The following ALMS1 variants were observed in gnomAD, a reference collection of about 807,000 sequenced individuals.
ALMS1 encodes ALMS1 centrosome and basal body associated protein.
In ALMS1, 271 loss-of-function variants were observed where a neutral mutation model predicts 352.2. That is an observed-to-expected ratio of 0.77 (90% CI 0.70 to 0.85). The LOEUF (loss-of-function observed/expected upper bound fraction) is 0.85. Among genes scored for constraint, ALMS1 ranks in the 40% least tolerant of loss-of-function variants. The pLI is 0.00. For synonymous variants in ALMS1, 1,865 were observed against 1,761.2 expected, an observed-to-expected ratio of 1.06 and a Z score of -1.48; for missense variants, 5,445 against 4,870.7, an observed-to-expected ratio of 1.12 and a Z score of -3.51.
chr2:73,508,897 G>T (rs895726428), intron 10 of ALMS1, among the ~76,000 whole-genome samples: 15 of 152,238 alleles, frequency 9.9e-5, no homozygotes, highest in African/African-American at 3.4e-4. Flanking sequence ...TTATGAATCT[G>T]GGTGCTCTTG....
chr2:73,481,726 A>G (rs866594885), intron 9 of ALMS1, among the ~76,000 whole-genome samples: 9 of 151,250 alleles, frequency 6.0e-5, no homozygotes, highest in South Asian at 2.1e-4. Context: ...ATGTTCTTCC[A>G]TTTGTTTGTA....
chr2:73,525,587 G>A (rs1447552692), intron 11 of ALMS1, among the ~76,000 whole-genome samples: 1 of 152,020 alleles, frequency 6.6e-6, no homozygotes, highest in African/African-American at 2.4e-5. Flanking sequence ...TTTGAGAAAT[G>A]TTTGTTCAGA....
rs549457439 is a variant in ALMS1, at chr2:73,448,872, A to G, written c.2345A>G (p.His782Arg). 6.8e-6 allele frequency: 11 copies of G among 1,614,038 alleles called. No homozygotes were observed. The highest frequency in any genetic ancestry group is 5.0e-5 in the Admixed American group (3 of 60,000). ...ILYPQDLADS[H>R]LPEEGLKVSA... ...TACCCACAGGACTTAGCAGACAGTC[A>G]TCTACCTGAAGAGGGTCTGAAAGTT... Residue 782 changes from histidine to arginine, a missense_variant, in exon 8 of 23, where the codon CAT becomes CGT. Transcript: ENST00000613296.
At chr2:73,425,021 T>A in intron 5 of ALMS1, 119 bp downstream of exon 5, 1 of 802,868 alleles carries the variant, frequency 1.2e-6, no homozygotes, top group Non-Finnish European at 1.9e-6. Flanking sequence ...AAGAGGGAAC[T>A]TTGCACCACC....
At chr2:73,526,169 T>A (rs1240752303) in intron 11 of ALMS1, among the ~76,000 whole-genome samples, 1 of 152,298 alleles carries the variant, frequency 6.6e-6, no homozygotes, top group East Asian at 1.9e-4. Flanking sequence ...CATGATGTTT[T>A]GGTTATTATA....
intron 16 of ALMS1, among the ~76,000 whole-genome samples, chr2:73,577,667 C>T (rs1419504148): frequency 6.6e-6 from 1 of 152,056 alleles, no homozygotes; most frequent in Non-Finnish European, 1.5e-5. Context: ...CTTCTTTGAC[C>T]ATTGACTGTT....
chr2:73,495,736 CAT>C (rs572608558), intron 10 of ALMS1, among the ~76,000 whole-genome samples: 79 of 152,228 alleles, frequency 5.2e-4, no homozygotes, highest in African/African-American at 1.8e-3. Context: ...TGTTTTAAAT[CAT>C]GTGTCCATAT....
At chr2:73,455,054 C>T (rs1042073389) in intron 8 of ALMS1, 108 bp from the exon 9 acceptor site, 5 of 1,204,224 alleles carry the variant, frequency 4.2e-6, no homozygotes, top group Non-Finnish European at 6.1e-6. Context: ...ACATACTAAG[C>T]ATTGCAGTGG....
chr2:73,462,847 A>T (rs994715596), intron 9 of ALMS1: 3 of 152,112 alleles, frequency 2.0e-5, no homozygotes, highest in African/African-American at 7.2e-5. Context: ...ACAAAGATCA[A>T]AAGAGACAAA....
rs1671017705 is a variant in ALMS1 at position 73,408,669 on chromosome 2, C to T, written c.372C>T (p.Gly124=). 1 of 1,613,130 alleles carries T rather than the reference C, an allele frequency of 6.2e-7. No individual in the cohort carries two copies. Among genetic ancestry groups the T allele is most frequent in the Non-Finnish European group, 8.5e-7 (1 of 1,179,564 alleles). Residue 124 remains glycine, a synonymous_variant, in exon 2 of 23, where the codon GGC becomes GGT. Transcript: ENST00000613296. ...CHVWQQIVYQ[G]NSRTQISDTN... is the part of the protein sequence containing the mutation. The stretch of plus-strand genomic sequence containing the variant: ...TATGGCAACAGATAGTATATCAAGG[C>T]AATAGTAGAACACAAATTTCTGATA...
chr2:73,541,894 A>G (rs1301375703), intron 12 of ALMS1, among the ~76,000 whole-genome samples: 1 of 152,212 alleles, frequency 6.6e-6, no homozygotes, highest in Non-Finnish European at 1.5e-5. Context: ...CCAACCAAAA[A>G]AAGTCCAGGA....
chr2:73,482,508 A>G (rs1020705877), intron 9 of ALMS1, among the ~76,000 whole-genome samples: 8 of 152,290 alleles, frequency 5.3e-5, no homozygotes, highest in African/African-American at 9.6e-5. Context: ...TTTTGCATCA[A>G]TGTTCATCAA....
intron 7 of ALMS1, 65 bp downstream of exon 7, chr2:73,432,356 AG>A (rs544918897): frequency 4.9e-5 from 56 of 1,152,716 alleles, no homozygotes; most frequent in Non-Finnish European, 7.1e-5. Flanking sequence ...ATATCTTGTT[AG>A]GTCTATCTAA....
At chr2:73,541,982 A>G (rs1009106983) in intron 12 of ALMS1, among the ~76,000 whole-genome samples, 8 of 152,222 alleles carry the variant, frequency 5.3e-5, no homozygotes, top group African/African-American at 1.9e-4. Flanking sequence ...TATTCCAATC[A>G]ATAGAAAAAG....
At position 73,424,784 on chromosome 2, in the gene ALMS1, T is replaced by G. The variant is rs1375460560; in HGVS notation, c.1119T>G (p.Phe373Leu). ...ATCAAGTTTCAGTTGCAACTTCATTTGACATAACTGATGAAAACATAGCTA... is the reference window on the plus strand; with the variant it reads ...ATCAAGTTTCAGTTGCAACTTCATTGGACATAACTGATGAAAACATAGCTA... Reference protein sequence around the residue: ...DKDQVSVATSFDITDENIATK... With the variant: ...DKDQVSVATSLDITDENIATK... The change falls in exon 5 of 23, where the codon TTT becomes TTG. Residue 373 changes from phenylalanine to leucine, a missense_variant. By Grantham distance (22) the Phe-to-Leu change is conservative (BLOSUM62 0). Transcript: ENST00000613296. 5 of 1,613,446 alleles carry G rather than the reference T, an allele frequency of 3.1e-6. No individual in the cohort carries two copies. In the East Asian group the frequency reaches 8.9e-5, roughly 29 times the overall value.
rs1463111086 is a variant in ALMS1 at position 73,559,263 on chromosome 2, C to CT, written c.10384+128dup. ...TCATGATTAAACAAAAATTCCTTTT[C>CT]TTTTTTTAAAACTTTCTTGTGTAAA... On this transcript the variant is annotated intron_variant, in intron 15 of 22. Coordinates refer to ENST00000613296, the MANE Select transcript of ALMS1 (RefSeq NM_001378454.1). 7 of 1,277,802 alleles carry CT rather than the reference C, an allele frequency of 5.5e-6. No homozygotes were observed. In the Admixed American group the frequency reaches 1.3e-4, roughly 24 times the overall value. 79.2% of individuals were successfully genotyped at this position (1,277,802 alleles called of 1,614,324 possible).
rs117958696 is a variant in ALMS1, at chr2:73,417,989, T to C, written c.451-1134T>C. On this transcript the variant is annotated intron_variant, in intron 2 of 22. Transcript: ENST00000613296. ...AGTATAGAAATTGAGAGGAAGTGTT[T>C]AGAAACTTTTATAGTAGTTGGATAG... is the stretch of plus-strand genomic sequence containing the variant. Among the ~76,000 whole-genome samples the C allele has an allele frequency of 3.7e-4, 56 of 152,352 alleles. 2 individuals are homozygous for C. The East Asian group carries it at 0.011, about 29-fold the overall frequency.
chr2:73,467,561 A>G (rs1188675097), intron 9 of ALMS1, among the ~76,000 whole-genome samples: 1 of 152,090 alleles, frequency 6.6e-6, no homozygotes, highest in Non-Finnish European at 1.5e-5. Context: ...CATAATGGTA[A>G]ACATGCCTTA....
chr2:73,575,074 C>A (rs547198660), intron 16 of ALMS1, among the ~76,000 whole-genome samples: 1 of 152,310 alleles, frequency 6.6e-6, no homozygotes, highest in East Asian at 1.9e-4. Context: ...TTTGAATATT[C>A]ATCCATGACA....
Sources: allele counts gnomAD v4.1 joint callset (sites outside exome capture counted in the v4.1 genomes callset), GRCh38; gene constraint gnomAD v4.1.1; transcripts MANE v1.5; gene names NCBI Gene and HGNC (gene_info 2026-07-23, HGNC 2026-07-21).